The following JCAD variants were observed in gnomAD, a reference collection of about 807,000 sequenced individuals.
JCAD encodes junctional cadherin 5 associated.
In JCAD, 40 loss-of-function variants were observed where a neutral mutation model predicts 98.0. That is an observed-to-expected ratio of 0.41 (90% CI 0.32 to 0.53). The LOEUF is 0.53. Ranked by LOEUF, JCAD falls within the 20% of genes least tolerant of loss-of-function variation. The pLI, the probability that JCAD is intolerant of heterozygous loss-of-function variation, is 0.31. For synonymous variants in JCAD, 691 were observed against 682.3 expected (o/e 1.01, Z -0.20); for missense variants, 1,705 against 1,738.1 (o/e 0.98, Z 0.34).
At position 30,027,008 on chromosome 10, in the gene JCAD, T is replaced by C. The variant is rs991322793; in HGVS notation, c.3140A>G (p.Asp1047Gly). 6 of 1,614,056 alleles carry C rather than the reference T, an allele frequency of 3.7e-6. No homozygotes were observed. The Admixed American group carries it at 8.3e-5, about 22-fold the overall frequency. The change falls in exon 3 of 4, where the codon GAC (aspartate) becomes GGC (glycine). Residue 1047 changes from aspartate to glycine, a missense_variant. This residue lies in a region of JCAD where 1,278 missense variants were observed against 1,243.1 expected (regional missense o/e 1.03). Coordinates refer to ENST00000375377, the MANE Select transcript of JCAD (RefSeq NM_020848.4). Reference sequence around the variant, plus strand: ...AGGGGTGAGCCCCACAGACCGTAAGTCTGGAGCTGAGAGCCCTCGGTTCTT... The same window carrying C: ...AGGGGTGAGCCCCACAGACCGTAAGCCTGGAGCTGAGAGCCCTCGGTTCTT... ...SNKNRGLSAPDLRSVGLTPGQ... is the reference protein window; with the variant it reads ...SNKNRGLSAPGLRSVGLTPGQ...
intron 2 of JCAD, among the ~76,000 whole-genome samples, chr10:30,066,413 C>T (rs945947898): frequency 4.6e-5 from 7 of 152,168 alleles, no homozygotes; most frequent in African/African-American, 1.4e-4. Context: ...TTACACTCAC[C>T]GTAGCAAAGA....
Position 30,047,858 on chromosome 10 carries a change from G to A in JCAD, c.-46C>T. 1 of 1,562,362 alleles carries A rather than the reference G, an allele frequency of 6.4e-7. No homozygotes were observed. The highest frequency in any genetic ancestry group is 2.2e-5 in the East Asian group (1 of 44,454). On this transcript the variant is annotated 5_prime_UTR_variant, in exon 2 of 4. Coordinates refer to ENST00000375377, the MANE Select transcript of JCAD (RefSeq NM_020848.4). ...GCTCAACCACTGGAACCATGGTGGT[G>A]GCAGGACCCAGCACTGCAGGACAAC... is the stretch of plus-strand genomic sequence containing the variant.
chr10:30,104,433 G>C (rs1212201717), intron 1 of JCAD, among the ~76,000 whole-genome samples: 1 of 152,216 alleles, frequency 6.6e-6, no homozygotes, highest in Non-Finnish European at 1.5e-5. Flanking sequence ...CAACCACATG[G>C]ATGCAGCGGA....
In JCAD at chr10:30,028,632, C is replaced by CG. The variant is rs770240166; in HGVS notation, c.1515dup (p.Gly506ArgfsTer23). On this transcript the variant is annotated frameshift_variant, in exon 3 of 4. Coordinates refer to ENST00000375377, the MANE Select transcript of JCAD (RefSeq NM_020848.4). LOFTEE classifies it high-confidence loss of function. ...GGGAGGCCACTGTTTTCCCCATCCC[C>CG]GGGGGGCTGGCCCCACAGCCACCGG... The CG allele has an allele frequency of 1.2e-6, 2 of 1,609,360 alleles. No individual in the cohort carries two copies. Among genetic ancestry groups the CG allele is most frequent in the Non-Finnish European group, 8.5e-7 (1 of 1,177,640 alleles).
chr10:30,107,613 G>C (rs1043405365), intron 1 of JCAD, among the ~76,000 whole-genome samples: 2 of 152,198 alleles, frequency 1.3e-5, no homozygotes, highest in Non-Finnish European at 2.9e-5. Flanking sequence ...CTCTGCCTAT[G>C]AAGTAGCCAT....
chr10:30,106,235 C>T (rs1838578123), intron 1 of JCAD, among the ~76,000 whole-genome samples: 1 of 151,886 alleles, frequency 6.6e-6, no homozygotes, highest in Non-Finnish European at 1.5e-5. Flanking sequence ...TCAGTCTGGG[C>T]AACACAGCAA....
rs1190896983 is a variant in JCAD at position 30,047,819 on chromosome 10, T to C, written c.-7A>G. 1.3e-6 allele frequency: 2 copies of C among 1,594,724 alleles called. No individual in the cohort carries two copies. Among genetic ancestry groups the C allele is most frequent in the South Asian group, 1.1e-5 (1 of 88,562 alleles). ...GGTCTTCTACACTGTACATGATGCC[T>C]GGGCTTCAGCAAAGCTCAACCACTG... On this transcript the variant is annotated 5_prime_UTR_variant, in exon 2 of 4. Transcript: ENST00000375377.
intron 1 of JCAD, among the ~76,000 whole-genome samples, chr10:30,084,833 GTATC>G (rs1225670598): frequency 7.4e-6 from 1 of 135,208 alleles, no homozygotes. Context: ...ATCTATCTGT[GTATC>G]TATCCATCCA....
chr10:30,026,453 C>A lies in JCAD; in HGVS notation c.3695G>T (p.Arg1232Ile). 1.2e-6 allele frequency: 2 copies of A among 1,614,264 alleles called. No homozygotes were observed. Among genetic ancestry groups the A allele is most frequent in the Non-Finnish European group, 1.7e-6 (2 of 1,180,046 alleles). The change falls in exon 3 of 4, where the codon AGA becomes ATA. Residue 1232 changes from arginine to isoleucine, a missense_variant. By Grantham distance (97) the Arg-to-Ile change is moderately conservative. Coordinates refer to ENST00000375377, the MANE Select transcript of JCAD (RefSeq NM_020848.4). ...RTPSVAGSEK[R>I]LRSPSKVIES... Reference sequence around the variant, plus strand: ...AATCACTTTGGAAGGGCTTCTAAGTCTCTTTTCAGAGCCTGCCACACTTGG... The same window carrying A: ...AATCACTTTGGAAGGGCTTCTAAGTATCTTTTCAGAGCCTGCCACACTTGG...
At chr10:30,083,318 C>T (rs114621847) in intron 1 of JCAD, among the ~76,000 whole-genome samples, 2,331 of 152,236 alleles carry the variant, frequency 0.015, 39 homozygotes, top group Middle Eastern at 0.061. Context: ...AAGTCTCCTC[C>T]CCTTTATCCT....
rs1836550049 is a variant in JCAD, at chr10:30,017,088, T to A, written c.*795A>T. The A allele has an allele frequency of 6.6e-6, 1 of 152,194 alleles. No homozygotes were observed. Among genetic ancestry groups the A allele is most frequent in the South Asian group, 2.1e-4 (1 of 4,834 alleles). The allele number at this position is 152,194 out of a possible 1,614,324, so 9.4% of individuals were successfully genotyped here. A position where few individuals can be genotyped will look rare whatever the true frequency, so the allele number is the denominator to read the frequency against. On this transcript the variant is annotated 3_prime_UTR_variant, in exon 4 of 4. Coordinates refer to ENST00000375377, the MANE Select transcript of JCAD (RefSeq NM_020848.4). The stretch of plus-strand genomic sequence containing the variant: ...AGCATTTTCGTAAAAAGAAATATAG[T>A]CACTTTGTTAAAATGGTCTATTTTA...
Position 30,067,366 on chromosome 10 carries a change from C to G in JCAD, n.250+2334G>C, listed in dbSNP as rs575498673. Among the ~76,000 whole-genome samples the G allele has an allele frequency of 4.2e-3, 643 of 152,032 alleles. 6 individuals carry two copies. Among genetic ancestry groups the G allele is most frequent in the South Asian group, 0.041 (199 of 4,808 alleles). ...ACAGGGACTTGCTCTGTTGCCCAGG[C>G]TGGAGTGCAGAGTGCAGTGGCACGA... is the stretch of plus-strand genomic sequence containing the variant. On this transcript the variant is annotated intron_variant and non_coding_transcript_variant, in intron 2 of 2. Transcript: ENST00000465712.
At chr10:30,074,637 G>T (rs111258730) in intron 1 of JCAD, among the ~76,000 whole-genome samples, 1 of 152,176 alleles carries the variant, frequency 6.6e-6, no homozygotes, top group Non-Finnish European at 1.5e-5. Context: ...ATTCAAAAAG[G>T]GTCTGGAAGA....
chr10:30,061,273 T>C (rs555929129), upstream of JCAD, among the ~76,000 whole-genome samples: 4 of 152,246 alleles, frequency 2.6e-5, no homozygotes, highest in Non-Finnish European at 4.4e-5. Context: ...CCGGGCATGG[T>C]GACTCATGCC....
Position 30,029,727 on chromosome 10 carries a change from G to C in JCAD, c.421C>G (p.Gln141Glu). 1 of 1,614,174 alleles carries C rather than the reference G, an allele frequency of 6.2e-7. No homozygotes were observed. Among genetic ancestry groups the C allele is most frequent in the Non-Finnish European group, 8.5e-7 (1 of 1,180,044 alleles). Reference sequence around the variant, plus strand: ...ACGTGGACAGGCAGGCTGTGGGCTTGGGCCATTCCTCTGGCCTCCAGGTTT... The same window carrying C: ...ACGTGGACAGGCAGGCTGTGGGCTTCGGCCATTCCTCTGGCCTCCAGGTTT... ...HENLEARGMA[Q>E]AHSLPVHVRE... The change falls in exon 3 of 4, where the codon CAA becomes GAA. Residue 141 changes from glutamine (Q) to glutamate (E), a missense_variant. Gln to Glu is a conservative substitution (Grantham distance 29). Coordinates refer to ENST00000375377, the MANE Select transcript of JCAD (RefSeq NM_020848.4).
rs373768578 is a variant in JCAD, at chr10:30,028,860, G to A, written c.1288C>T (p.Arg430Trp). 17 of 1,614,042 alleles carry A rather than the reference G, an allele frequency of 1.1e-5. No homozygotes were observed. The highest frequency in any genetic ancestry group is 8.0e-5 in the African/African-American group (6 of 74,930). Residue 430 changes from arginine (R) to tryptophan (W), a missense_variant, in exon 3 of 4, where the codon CGG becomes TGG. Transcript: ENST00000375377. Reference sequence around the variant, plus strand: ...TGAGCTAGTTTAAAATGTCGTAACCGTGGATCATCAAAGGGAATGTACTGA... The same window carrying A: ...TGAGCTAGTTTAAAATGTCGTAACCATGGATCATCAAAGGGAATGTACTGA... ...FVQYIPFDDPRLRHFKLAQPQ... is the reference protein window; with the variant it reads ...FVQYIPFDDPWLRHFKLAQPQ...
chr10:30,050,314 C>CAAA (rs61421356), intron 1 of JCAD, among the ~76,000 whole-genome samples: 84 of 41,738 alleles, frequency 2.0e-3, no homozygotes, highest in African/African-American at 4.4e-3. Flanking sequence ...GACCCTGTCT[C>CAAA]AAAAAAAAAA....
chr10:30,027,815 T>G lies in JCAD; in HGVS notation c.2333A>C (p.Lys778Thr). ...SLSVDQAPTP[K>T]AGRSQPCVDV... ...CACGCAGGGCTGACTTCGGCCTGCT[T>G]TTGGCGTCGGTGCCTGGTCCACGGA... is the stretch of plus-strand genomic sequence containing the variant. Residue 778 changes from lysine (K) to threonine (T), a missense_variant, in exon 3 of 4, where the codon AAA (lysine) becomes ACA (threonine). Lys to Thr is a moderately conservative substitution (Grantham distance 78). Around this residue, in one of 3 missense-constraint regions of JCAD, gnomAD observed 1,278 missense variants for 1,243.1 expected, o/e 1.03. Coordinates refer to ENST00000375377, the MANE Select transcript of JCAD (RefSeq NM_020848.4). 1 of 1,614,246 alleles carries G rather than the reference T, an allele frequency of 6.2e-7. No individual in the cohort carries two copies. Among genetic ancestry groups the G allele is most frequent in the Non-Finnish European group, 8.5e-7 (1 of 1,180,034 alleles).
chr10:30,073,647 G>GTCCTTCTT (rs1837931700), intron 1 of JCAD, among the ~76,000 whole-genome samples: 3 of 138,586 alleles, frequency 2.2e-5, no homozygotes, highest in Middle Eastern at 3.6e-3. Flanking sequence ...TAGCAAGATT[G>GTCCTTCTT]TCCTTCCTTC....
Sources: allele counts gnomAD v4.1 joint callset (sites outside exome capture counted in the v4.1 genomes callset), GRCh38; gene constraint gnomAD v4.1.1; regional missense constraint gnomAD v4.1.1; transcripts MANE v1.5; gene names NCBI Gene and HGNC (gene_info 2026-07-23, HGNC 2026-07-21).